KCNMA1: variants seen among roughly 807,000 people sequenced by gnomAD.
KCNMA1 encodes Calcium-activated potassium channel subunit alpha-1.
A neutral mutation model predicts 140.0 loss-of-function variants in KCNMA1; 29 were observed. That is an observed-to-expected ratio of 0.21 (90% CI 0.15 to 0.28). The LOEUF (loss-of-function observed/expected upper bound fraction) is 0.28. Among genes scored for constraint, KCNMA1 ranks in the 10% least tolerant of loss-of-function variants. KCNMA1 has a pLI of 1.00. For synonymous variants in KCNMA1, 612 were observed against 611.9 expected, an observed-to-expected ratio of 1.00 and a Z score of 0.00; for missense variants, 880 against 1,602.2, an observed-to-expected ratio of 0.55 and a Z score of 7.70.
chr10:77,317,687 A>G (rs1404297178), intron 2 of KCNMA1, among the ~76,000 whole-genome samples: 7 of 152,244 alleles, frequency 4.6e-5, no homozygotes, highest in African/African-American at 1.4e-4. Context: ...CTAACAGCCG[A>G]TGGCAGGGAG....
At chr10:77,595,084 G>A (rs1447276089) in intron 1 of KCNMA1, among the ~76,000 whole-genome samples, 2 of 152,296 alleles carry the variant, frequency 1.3e-5, no homozygotes, top group South Asian at 2.1e-4. Flanking sequence ...AGTAGCTCAC[G>A]CCCGTAATCC....
intron 2 of KCNMA1, among the ~76,000 whole-genome samples, chr10:77,334,953 T>C (rs1202228760): frequency 6.6e-6 from 1 of 152,162 alleles, no homozygotes; most frequent in Admixed American, 6.5e-5. Flanking sequence ...ACACAGCACA[T>C]CTCAATTCAG....
chr10:77,327,820 C>G (rs2084779130), intron 2 of KCNMA1, among the ~76,000 whole-genome samples: 2 of 152,136 alleles, frequency 1.3e-5, no homozygotes, highest in African/African-American at 2.4e-5. Context: ...AACCTGGCTT[C>G]TCTATGTATA....
intron 3 of KCNMA1, among the ~76,000 whole-genome samples, chr10:77,187,878 C>A (rs184684407): frequency 1.3e-5 from 2 of 152,056 alleles, no homozygotes; most frequent in Non-Finnish European, 2.9e-5. Context: ...CAATCAGAGA[C>A]CACAGAGTGG....
intron 1 of KCNMA1, among the ~76,000 whole-genome samples, chr10:77,540,690 C>T (rs1714374231): frequency 6.6e-6 from 1 of 152,128 alleles, no homozygotes; most frequent in Admixed American, 6.5e-5. Flanking sequence ...AAATGTATCT[C>T]AAAAATTTAA....
At chr10:76,913,142 A>T (rs1229340877) in intron 24 of KCNMA1, 2 of 152,286 alleles carry the variant, frequency 1.3e-5, no homozygotes, top group East Asian at 3.9e-4. Context: ...TGGGGTGTTC[A>T]TTTCATTTGT....
chr10:77,161,905 T>C (rs1011821174), intron 5 of KCNMA1, among the ~76,000 whole-genome samples: 3 of 152,250 alleles, frequency 2.0e-5, no homozygotes, highest in African/African-American at 7.2e-5. Context: ...TAGGCTGAAA[T>C]TGTGTCTTAC....
intron 1 of KCNMA1, among the ~76,000 whole-genome samples, chr10:77,472,452 TCA>T (rs55793293): frequency 6.7e-6 from 1 of 149,256 alleles, no homozygotes; most frequent in Non-Finnish European, 1.5e-5. Context: ...CACACACACA[TCA>T]CACACACACA....
intron 1 of KCNMA1, among the ~76,000 whole-genome samples, chr10:77,583,408 G>A (rs528329477): frequency 6.6e-6 from 1 of 152,292 alleles, no homozygotes; most frequent in South Asian, 2.1e-4. Context: ...TCTCACATAG[G>A]GACACAAGTC....
chr10:77,458,792 T>G (rs112432526), intron 1 of KCNMA1, among the ~76,000 whole-genome samples: 20 of 152,294 alleles, frequency 1.3e-4, no homozygotes, highest in Non-Finnish European at 2.6e-4. Flanking sequence ...CTGTCCAACA[T>G]GGAAGGCACC....
At chr10:77,137,188 G>T (rs1055022766) in intron 5 of KCNMA1, among the ~76,000 whole-genome samples, 2 of 152,132 alleles carry the variant, frequency 1.3e-5, no homozygotes, top group Non-Finnish European at 2.9e-5. Context: ...ATTCATACAT[G>T]TGAGGTCTCG....
chr10:76,932,209 T>C (rs545440115), intron 23 of KCNMA1, among the ~76,000 whole-genome samples: 1 of 152,322 alleles, frequency 6.6e-6, no homozygotes, highest in East Asian at 1.9e-4. Context: ...GACAGAAAAG[T>C]GTATTGTTCA....
chr10:77,440,231 G>A (rs12416539), intron 1 of KCNMA1, among the ~76,000 whole-genome samples: 9,755 of 152,220 alleles, frequency 0.064, 399 homozygotes, highest in East Asian at 0.13. Context: ...GGCATACTAA[G>A]GAGCTCAGCA....
chr10:77,003,954 G>C (rs2087431809), intron 18 of KCNMA1, among the ~76,000 whole-genome samples: 1 of 152,108 alleles, frequency 6.6e-6, no homozygotes, highest in South Asian at 2.1e-4. Context: ...GTTTGCAACT[G>C]TTATTGTTAG....
chr10:77,435,885 A>G (rs1305682632), intron 1 of KCNMA1, among the ~76,000 whole-genome samples: 1 of 152,220 alleles, frequency 6.6e-6, no homozygotes, highest in Non-Finnish European at 1.5e-5. Context: ...TGGCAGTGAC[A>G]GAGCTCAGAG....
chr10:77,463,201 C>G (rs2097911308), intron 1 of KCNMA1, among the ~76,000 whole-genome samples: 1 of 152,126 alleles, frequency 6.6e-6, no homozygotes, highest in Non-Finnish European at 1.5e-5. Context: ...AAAACTGGCT[C>G]AGAGAGAGCC....
At chr10:77,512,285 C>T (rs2048683806) in intron 1 of KCNMA1, among the ~76,000 whole-genome samples, 1 of 152,166 alleles carries the variant, frequency 6.6e-6, no homozygotes, top group African/African-American at 2.4e-5. Flanking sequence ...CTCCACAGTC[C>T]CCCCTTATCC....
chr10:76,963,852 A>T (rs190718326), intron 20 of KCNMA1, among the ~76,000 whole-genome samples: 31 of 152,222 alleles, frequency 2.0e-4, no homozygotes, highest in East Asian at 1.9e-3. Context: ...CCTTGAGCAC[A>T]ATGTTCAAGA....
At chr10:77,621,641 T>C (rs888771088) in intron 1 of KCNMA1, among the ~76,000 whole-genome samples, 60 of 152,116 alleles carry the variant, frequency 3.9e-4, no homozygotes, top group African/African-American at 1.3e-3. Flanking sequence ...AAAAATAGTG[T>C]TTTTCTGCTG....
Sources: allele counts gnomAD v4.1 joint callset (sites outside exome capture counted in the v4.1 genomes callset), GRCh38; gene constraint gnomAD v4.1.1; transcripts MANE v1.5; gene names NCBI Gene and HGNC (gene_info 2026-07-23, HGNC 2026-07-21).